Variants in KMT2A observed in about 807,000 individuals in gnomAD.
KMT2A encodes histone-lysine N-methyltransferase 2A.
KMT2A carries 16 observed loss-of-function variants against 345.3 expected under a neutral mutation model. The ratio of observed to expected loss-of-function variants is 0.05; its 90% CI spans 0.03 to 0.07. The LOEUF (loss-of-function observed/expected upper bound fraction) is 0.07. Among genes scored for constraint, KMT2A ranks in the 10% least tolerant of loss-of-function variants. The probability of loss-of-function intolerance (pLI) is 1.00; values close to 1 mark genes in which losing one functional copy is unlikely to be tolerated. For missense variants in KMT2A, 3,272 were observed against 4,841.6 expected (o/e 0.68, Z 9.62); for synonymous variants, 1,599 against 1,778.6 (o/e 0.90, Z 2.54).
Position 118,502,602 on chromosome 11 carries a change from C to T in KMT2A, c.6710C>T (p.Thr2237Ile). Reference protein sequence around the residue: ...VSSVSTTGTATDLESSAKVVD... With the variant: ...VSSVSTTGTAIDLESSAKVVD... Reference sequence around the variant, plus strand: ...TCAGTCTCCACCACCGGGACCGCTACTGATCTTGAATCAAGTGCCAAAGTA... The same window carrying T: ...TCAGTCTCCACCACCGGGACCGCTATTGATCTTGAATCAAGTGCCAAAGTA... Residue 2237 changes from threonine to isoleucine, a missense_variant, in exon 27 of 36, where the codon ACT (threonine) becomes ATT (isoleucine). Thr to Ile is a moderately conservative substitution (Grantham distance 89, BLOSUM62 -1). Coordinates refer to ENST00000534358, the MANE Select transcript of KMT2A (RefSeq NM_001197104.2). The surrounding 1 kb of genome is among the most constrained non-coding windows in gnomAD (Gnocchi z 4.9). 1 of 1,614,210 alleles carries T rather than the reference C, an allele frequency of 6.2e-7. No individual in the cohort carries two copies. The highest frequency in any genetic ancestry group is 1.1e-5 in the South Asian group (1 of 91,080).
In KMT2A at chr11:118,524,732, G is replaced by T; in HGVS notation, c.*2560G>T. 5.6e-6 allele frequency: 1 copy of T among 179,020 alleles called. No homozygotes were observed. Among genetic ancestry groups the T allele is most frequent in the Admixed American group, 6.3e-5 (1 of 15,812 alleles). 11.1% of individuals were successfully genotyped at this position (179,020 alleles called of 1,614,324 possible). A position where few individuals can be genotyped will look rare whatever the true frequency, so the allele number is the denominator to read the frequency against. On this transcript the variant is annotated 3_prime_UTR_variant, in exon 36 of 36. Coordinates refer to ENST00000534358, the MANE Select transcript of KMT2A (RefSeq NM_001197104.2). ...AAAGAAAAAAAAAAAACCTTAAGCTGCATTTGTTACTGAAATGATTAATGC... is the reference window on the plus strand; with the variant it reads ...AAAGAAAAAAAAAAAACCTTAAGCTTCATTTGTTACTGAAATGATTAATGC...
chr11:118,452,717 T>G (rs1009742760), intron 1 of KMT2A, among the ~76,000 whole-genome samples: 4 of 150,708 alleles, frequency 2.7e-5, no homozygotes, highest in Non-Finnish European at 5.9e-5. Context: ...CACAGCAACC[T>G]CCGCCTCCTG....
rs1555043329 is a variant in KMT2A at position 118,494,280 on chromosome 11, G to C, written c.5179-8G>C. Reference sequence around the variant, plus strand: ...TAAGAATAATTAACATTTTGTTTTTGTATACAGTTGGAGTTCAGTGATGAT... The same window carrying C: ...TAAGAATAATTAACATTTTGTTTTTCTATACAGTTGGAGTTCAGTGATGAT... On this transcript the variant is annotated splice_region_variant and splice_polypyrimidine_tract_variant and intron_variant, in intron 16 of 35. Transcript: ENST00000534358. This position sits in a 1 kb window ranked among gnomAD's most constrained non-coding sequence, Gnocchi z 5.8. The C allele has an allele frequency of 7.0e-7, 1 of 1,419,982 alleles. No homozygotes were observed. The highest frequency in any genetic ancestry group is 1.2e-5 in the South Asian group (1 of 86,808). The allele number at this position is 1,419,982 out of a possible 1,614,324, so 88.0% of individuals were successfully genotyped here.
At position 118,494,970 on chromosome 11, in the gene KMT2A, A is replaced by G. The variant is rs1950382252; in HGVS notation, c.5363+203A>G. On this transcript the variant is annotated intron_variant, in intron 18 of 35. Transcript: ENST00000534358. This position sits in a 1 kb window ranked among gnomAD's most constrained non-coding sequence, Gnocchi z 5.8. ...TGTTCTTTACTTTTATATTTGTTTT[A>G]TTGTAGGGAGCTTGGTTTAATTGTG... Among the ~76,000 whole-genome samples, 1 of 152,034 alleles carries G rather than the reference A, an allele frequency of 6.6e-6. No individual in the cohort carries two copies. Among genetic ancestry groups the G allele is most frequent in the Non-Finnish European group, 1.5e-5 (1 of 68,012 alleles).
At chr11:118,462,250 G>A (rs782818984) in intron 1 of KMT2A, among the ~76,000 whole-genome samples, 4 of 151,718 alleles carry the variant, frequency 2.6e-5, no homozygotes, top group Non-Finnish European at 1.5e-5. Context: ...CACCATGCCC[G>A]GCTGCAGCAC....
At chr11:118,513,937 CAAAAAAA>C (rs1178939991) in intron 31 of KMT2A, among the ~76,000 whole-genome samples, 6 of 47,354 alleles carry the variant, frequency 1.3e-4, no homozygotes, top group Admixed American at 4.6e-4. Flanking sequence ...GACCCTGTCT[CAAAAAAA>C]AAAAAAAAAA....
rs1046990304 is a variant in KMT2A at position 118,525,104 on chromosome 11, A to C, written c.*2932A>C. On this transcript the variant is annotated 3_prime_UTR_variant, in exon 36 of 36. Coordinates refer to ENST00000534358, the MANE Select transcript of KMT2A (RefSeq NM_001197104.2). ...TTTCCCTACAAGAGGGAAAGAAGGC[A>C]AAAACGGCACAGCTATCTCCAAACA... is the stretch of plus-strand genomic sequence containing the variant. 1 of 222,688 alleles carries C rather than the reference A, an allele frequency of 4.5e-6. No individual in the cohort carries two copies. Among genetic ancestry groups the C allele is most frequent in the Non-Finnish European group, 9.0e-6 (1 of 111,142 alleles). 13.8% of individuals were successfully genotyped at this position (222,688 alleles called of 1,614,324 possible).
chr11:118,460,597 G>A (rs954969901), intron 1 of KMT2A, among the ~76,000 whole-genome samples: 3 of 152,046 alleles, frequency 2.0e-5, no homozygotes, highest in African/African-American at 7.2e-5. Flanking sequence ...GCCTTCAAGA[G>A]TTAAGCAAAA....
chr11:118,444,822 ACCTCAG>A (rs1374097256), intron 1 of KMT2A, among the ~76,000 whole-genome samples: 1 of 152,096 alleles, frequency 6.6e-6, no homozygotes, highest in Non-Finnish European at 1.5e-5. Flanking sequence ...TGGTCCCCCT[ACCTCAG>A]CCTCCCAAAG....
chr11:118,449,085 C>G (rs1416475637), intron 1 of KMT2A: 1 of 151,918 alleles, frequency 6.6e-6, no homozygotes, highest in African/African-American at 2.4e-5. Context: ...TAAAAAATAC[C>G]AGGGACTTTC....
At chr11:118,486,751 T>C (rs1950236983) in intron 10 of KMT2A, among the ~76,000 whole-genome samples, 1 of 151,786 alleles carries the variant, frequency 6.6e-6, no homozygotes, top group Non-Finnish European at 1.5e-5. Flanking sequence ...CATGTGCCTG[T>C]AGTCCCAGCT....
chr11:118,501,760 C>T lies in KMT2A; in HGVS notation c.6408C>T (p.Ser2136=). Residue 2136 remains serine, a synonymous_variant, in exon 26 of 36, where the codon TCC becomes TCT. Coordinates refer to ENST00000534358, the MANE Select transcript of KMT2A (RefSeq NM_001197104.2). ...CTCCTCATTCACAAACCTCTGGCTC[C>T]TGTTATTATCATGTCATCTCAAAGG... ...DRPPHSQTSG[S]CYYHVISKVP... The T allele has an allele frequency of 6.2e-7, 1 of 1,614,082 alleles. No homozygotes were observed. Among genetic ancestry groups the T allele is most frequent in the African/African-American group, 1.3e-5 (1 of 75,018 alleles).
chr11:118,447,744 G>T, intron 1 of KMT2A: 1 of 375,582 alleles, frequency 2.7e-6, no homozygotes. Flanking sequence ...AAGGTTAAGA[G>T]GCAACTTAAT....
chr11:118,480,267 A>C (rs575841329), intron 6 of KMT2A, 29 bp downstream of exon 6: 22 of 1,584,050 alleles, frequency 1.4e-5, no homozygotes, highest in Middle Eastern at 3.3e-4. Context: ...TCTTCCCCCA[A>C]ATGCTCCTTG....
At position 118,481,999 on chromosome 11, in the gene KMT2A, C is replaced by T. The variant is rs1555039431; in HGVS notation, c.3919C>T (p.Pro1307Ser). 2 of 1,614,206 alleles carry T rather than the reference C, an allele frequency of 1.2e-6. No homozygotes were observed. Among genetic ancestry groups the T allele is most frequent in the Non-Finnish European group, 1.7e-6 (2 of 1,180,036 alleles). ...QVSQPALVIP[P>S]QPPTTGPPRK... ...CTCCCAGCCAGCACTGGTCATCCCG[C>T]CTCAGCCACCTACTACAGGACCGCC... is the stretch of plus-strand genomic sequence containing the variant. The change falls in exon 7 of 36, where the codon CCT becomes TCT. Residue 1307 changes from proline to serine, a missense_variant. This residue lies in a region of KMT2A where 168 missense variants were observed against 216.0 expected (regional missense o/e 0.78). Coordinates refer to ENST00000534358, the MANE Select transcript of KMT2A (RefSeq NM_001197104.2).
chr11:118,499,744 C>T lies in KMT2A; in HGVS notation c.6080-91C>T, dbSNP rs1950469570. The T allele has an allele frequency of 7.2e-6, 7 of 970,018 alleles. No individual in the cohort carries two copies. In the South Asian group the frequency reaches 8.2e-5, roughly 11 times the overall value. The allele number at this position is 970,018 out of a possible 1,614,324, so 60.1% of individuals were successfully genotyped here. On this transcript the variant is annotated intron_variant, in intron 23 of 35. Transcript: ENST00000534358. ...GCAGTGAGCTGAGATTGCGCCACTGCATTCCAGCCTGGGCGACAGAGTGAG... is the reference window on the plus strand; with the variant it reads ...GCAGTGAGCTGAGATTGCGCCACTGTATTCCAGCCTGGGCGACAGAGTGAG...
intron 1 of KMT2A, among the ~76,000 whole-genome samples, chr11:118,451,990 C>A (rs1266338975): frequency 9.9e-5 from 15 of 152,120 alleles, no homozygotes; most frequent in African/African-American, 3.6e-4. Context: ...AGTTGTCTTA[C>A]ACCAAATGTA....
chr11:118,439,174 GA>G (rs1169017748), intron 1 of KMT2A: 29 of 324,170 alleles, frequency 8.9e-5, no homozygotes, highest in East Asian at 6.8e-4. Flanking sequence ...AAAAAAAAAA[GA>G]AAAAAAAGAA....
At chr11:118,511,885 C>A in intron 30 of KMT2A, 66 bp from the exon 31 acceptor site, 1 of 1,203,842 alleles carries the variant, frequency 8.3e-7, no homozygotes, top group Non-Finnish European at 1.2e-6. Context: ...TTGTGCACAT[C>A]ATTGGTATTA....
Sources: allele counts gnomAD v4.1 joint callset (sites outside exome capture counted in the v4.1 genomes callset), GRCh38; gene constraint gnomAD v4.1.1; regional missense constraint gnomAD v4.1.1; non-coding constraint Gnocchi (gnomAD v3.1); transcripts MANE v1.5; gene names NCBI Gene and HGNC (gene_info 2026-07-23, HGNC 2026-07-21).